Variants in ESRRG observed in about 807,000 individuals in gnomAD.
The protein encoded by ESRRG is estrogen-related receptor gamma.
ESRRG carries 13 observed loss-of-function variants against 44.0 expected under a neutral mutation model. That is an observed-to-expected ratio of 0.30 (90% confidence interval 0.19 to 0.47). ESRRG has a LOEUF of 0.47. Among genes scored for constraint, ESRRG ranks in the 20% least tolerant of loss-of-function variants. ESRRG has a pLI of 1.00. For synonymous variants in ESRRG, 215 were observed against 214.6 expected (o/e 1.00, Z -0.02); for missense variants, 395 against 580.6 (o/e 0.68, Z 3.29).
rs11572609 is a variant in ESRRG at position 216,799,640 on chromosome 1, C to T, written c.-13-122149G>A. ...TATACGAAAGAAAATGAGGAATATG[C>T]AATGACAGAAAGAGCCAAGAACACT... On this transcript the variant is annotated intron_variant, in intron 2 of 7. Coordinates refer to the ESRRG transcript ENST00000359162. 1.3e-3 allele frequency among the ~76,000 whole-genome samples: 191 copies of T among 152,224 alleles called. 1 individual carries two copies. The highest frequency in any genetic ancestry group is 4.4e-3 in the African/African-American group (183 of 41,554).
chr1:217,026,665 T>C lies in ESRRG; in HGVS notation c.-106+62842A>G, dbSNP rs60746525. ...CTGGCAAATCTGCCTAAGGGATTAG[T>C]CACCCCCCAAAAGTTCAGTTGAATA... On this transcript the variant is annotated intron_variant, in intron 1 of 7. Coordinates refer to the ESRRG transcript ENST00000359162. Among the ~76,000 whole-genome samples, 188 of 152,206 alleles carry C rather than the reference T, an allele frequency of 1.2e-3. 1 individual carries two copies. The highest frequency in any genetic ancestry group is 4.4e-3 in the African/African-American group (182 of 41,530).
intron 2 of ESRRG, among the ~76,000 whole-genome samples, chr1:216,868,008 A>G (rs1011770358): frequency 9.3e-5 from 14 of 150,492 alleles, no homozygotes; most frequent in African/African-American, 3.2e-4. Flanking sequence ...GGGATACTAC[A>G]GTATGTCACT....
intron 1 of ESRRG, among the ~76,000 whole-genome samples, chr1:217,086,774 T>C (rs911354600): frequency 1.3e-5 from 2 of 152,254 alleles, no homozygotes; most frequent in African/African-American, 4.8e-5. Flanking sequence ...ACAGAATTTC[T>C]ATATTATATC....
chr1:216,917,404 C>T (rs1347050498), intron 2 of ESRRG, among the ~76,000 whole-genome samples: 3 of 152,056 alleles, frequency 2.0e-5, no homozygotes, highest in Non-Finnish European at 4.4e-5. Flanking sequence ...AACAAGTCAC[C>T]TGATCTGTAC....
intron 2 of ESRRG, among the ~76,000 whole-genome samples, chr1:216,904,451 A>G (rs2059457306): frequency 6.6e-6 from 1 of 152,184 alleles, no homozygotes; most frequent in African/African-American, 2.4e-5. Flanking sequence ...AAATTAAACA[A>G]AGTCATTGAA....
At chr1:216,983,909 T>G (rs1224097062) in intron 1 of ESRRG, among the ~76,000 whole-genome samples, 1 of 152,068 alleles carries the variant, frequency 6.6e-6, no homozygotes, top group Non-Finnish European at 1.5e-5. Flanking sequence ...TAAATGGATA[T>G]CTCCTCCATT....
intron 1 of ESRRG, among the ~76,000 whole-genome samples, chr1:216,988,344 T>C (rs1290887863): frequency 6.6e-6 from 1 of 152,218 alleles, no homozygotes; most frequent in Non-Finnish European, 1.5e-5. Context: ...TAGAAACTTT[T>C]TGGATTACCT....
chr1:217,083,167 G>C (rs6689271), intron 1 of ESRRG, among the ~76,000 whole-genome samples: 86,328 of 152,022 alleles, frequency 0.57, 24,772 homozygotes, highest in East Asian at 0.74. Context: ...ATGGTCTAGC[G>C]TAGGAAACTA....
Position 216,677,189 on chromosome 1 carries a change from A to G in ESRRG, c.359T>C (p.Leu120Pro). 1 of 1,614,152 alleles carries G rather than the reference A, an allele frequency of 6.2e-7. No homozygotes were observed. Among genetic ancestry groups the G allele is most frequent in the Non-Finnish European group, 8.5e-7 (1 of 1,180,008 alleles). Residue 120 changes from leucine (L) to proline (P), a missense_variant, in exon 2 of 7, where the codon CTC (leucine) becomes CCC (proline). Physicochemically the swap from Leu to Pro is moderately conservative, Grantham distance 98. Transcript: ENST00000408911. ...EDPQTKCEYM[L>P]NSMPKRLCLV... ...ACACAGTCTCTTGGGCATCGAGTTGAGCATGTATTCACACTTGGTCTGGGG... is the reference window on the plus strand; with the variant it reads ...ACACAGTCTCTTGGGCATCGAGTTGGGCATGTATTCACACTTGGTCTGGGG...
At chr1:216,932,516 G>A (rs940220912) in intron 2 of ESRRG, among the ~76,000 whole-genome samples, 5 of 151,856 alleles carry the variant, frequency 3.3e-5, no homozygotes, top group East Asian at 3.9e-4. Context: ...TTGCGTCCTC[G>A]CACAATTTTG....
At chr1:216,783,813 C>T (rs1052319828) in intron 2 of ESRRG, among the ~76,000 whole-genome samples, 12 of 152,092 alleles carry the variant, frequency 7.9e-5, no homozygotes, top group Admixed American at 1.3e-4. Context: ...CTGACTCTTC[C>T]GACGTTTTCA....
intron 2 of ESRRG, among the ~76,000 whole-genome samples, chr1:216,792,237 T>C (rs2094341351): frequency 6.6e-6 from 1 of 152,174 alleles, no homozygotes; most frequent in African/African-American, 2.4e-5. Flanking sequence ...AAATATCTCA[T>C]TTTATATCAT....
chr1:216,508,129 C>G (rs1208501855), intron 6 of ESRRG, among the ~76,000 whole-genome samples: 10 of 152,076 alleles, frequency 6.6e-5, no homozygotes, highest in Admixed American at 4.6e-4. Context: ...ATGCTGAGCT[C>G]TAAGATATAT....
rs568625347 is a variant in ESRRG, at chr1:216,794,174, T to C, written c.-13-116683A>G. 3.3e-4 allele frequency among the ~76,000 whole-genome samples: 50 copies of C among 152,210 alleles called. No homozygotes were observed. In the Middle Eastern group the frequency reaches 0.01, roughly 31 times the overall value. On this transcript the variant is annotated intron_variant, in intron 2 of 7. Transcript: ENST00000359162. ...CATGATTACAAACTAAAACTTGGCCTCACCACCTAAGACATGACAGCATGA... is the reference window on the plus strand; with the variant it reads ...CATGATTACAAACTAAAACTTGGCCCCACCACCTAAGACATGACAGCATGA...
At chr1:216,967,327 A>G (rs79452583) in intron 1 of ESRRG, among the ~76,000 whole-genome samples, 2,923 of 152,198 alleles carry the variant, frequency 0.019, 87 homozygotes, top group African/African-American at 0.062. Context: ...ACATGTACCT[A>G]TTATTATAAT....
chr1:216,888,870 G>A (rs1006199950), intron 2 of ESRRG, among the ~76,000 whole-genome samples: 2 of 152,166 alleles, frequency 1.3e-5, no homozygotes, highest in Non-Finnish European at 2.9e-5. Context: ...TGAATGGAAA[G>A]GAAACTAGAT....
At chr1:217,136,946 G>A (rs2093058283) in intron 1 of ESRRG, among the ~76,000 whole-genome samples, 1 of 152,198 alleles carries the variant, frequency 6.6e-6, no homozygotes, top group Non-Finnish European at 1.5e-5. Flanking sequence ...GGTACCGGGA[G>A]AGGAGAGTCC....
At chr1:216,805,531 C>T (rs1340014042) in intron 2 of ESRRG, among the ~76,000 whole-genome samples, 1 of 152,132 alleles carries the variant, frequency 6.6e-6, no homozygotes, top group Non-Finnish European at 1.5e-5. Flanking sequence ...AAGTGAAATT[C>T]CCTTCGTTGC....
upstream of ESRRG, among the ~76,000 whole-genome samples, chr1:217,094,331 C>A (rs546117060): frequency 7.9e-5 from 12 of 152,196 alleles, no homozygotes; most frequent in African/African-American, 2.7e-4. Context: ...TGGATCCAAC[C>A]TATTTTGCCT....
Sources: gnomAD v4.1 joint callset for allele counts (sites outside exome capture counted in the v4.1 genomes callset) on GRCh38, gnomAD v4.1.1 for gene constraint, MANE v1.5 for transcripts, NCBI Gene and HGNC (gene_info 2026-07-23, HGNC 2026-07-21) for gene names.